RNF121: variants seen among roughly 807,000 people sequenced by gnomAD.
RNF121 encodes ring finger protein 121.
Under a neutral mutation model 46.5 loss-of-function variants are expected in RNF121, and 21 were observed. The observed-to-expected ratio is 0.45, with a 90% confidence interval of 0.32 to 0.65. The LOEUF is 0.65. Ranked by LOEUF, RNF121 falls within the 30% of genes least tolerant of loss-of-function variation. The pLI is 0.04. For missense variants in RNF121, 346 were observed against 416.0 expected (o/e 0.83, Z 1.46); for synonymous variants, 139 against 144.7 (o/e 0.96, Z 0.28).
At chr11:71,976,152 C>G (rs544148182) in intron 3 of RNF121, among the ~76,000 whole-genome samples, 1 of 152,022 alleles carries the variant, frequency 6.6e-6, no homozygotes, top group South Asian at 2.1e-4. Flanking sequence ...TTCAGTTGTT[C>G]CTTATGTGAT....
intron 3 of RNF121, among the ~76,000 whole-genome samples, chr11:71,967,590 T>C (rs1184275044): frequency 1.3e-5 from 2 of 152,092 alleles, no homozygotes; most frequent in Non-Finnish European, 2.9e-5. Context: ...TTAGTACAAA[T>C]GTATTTTTGT....
At chr11:71,935,078 A>G (rs1021620433) in intron 1 of RNF121, among the ~76,000 whole-genome samples, 1 of 151,532 alleles carries the variant, frequency 6.6e-6, no homozygotes, top group Admixed American at 6.6e-5. Flanking sequence ...AGTAGCTGGG[A>G]CCACAGGTGT....
At chr11:71,994,681 A>T (rs772003983) in intron 6 of RNF121, 38 bp from the exon 7 acceptor site, 2 of 1,612,600 alleles carry the variant, frequency 1.2e-6, no homozygotes, top group South Asian at 1.1e-5. Flanking sequence ...TGCTTCTCAC[A>T]TCTTTTCCTA....
intron 3 of RNF121, among the ~76,000 whole-genome samples, chr11:71,975,177 T>A (rs1366369149): frequency 6.6e-6 from 1 of 152,184 alleles, no homozygotes; most frequent in Non-Finnish European, 1.5e-5. Flanking sequence ...TAGACCAAGA[T>A]ATTAGGATTA....
chr11:71,957,258 A>G lies in RNF121; in HGVS notation c.95A>G (p.Gln32Arg). The change falls in exon 2 of 9, where the codon CAA becomes CGA. Residue 32 changes from glutamine to arginine, a missense_variant. Transcript: ENST00000361756. ...VDMSDLSPEEQWRVEHARMHA... is the reference protein window; with the variant it reads ...VDMSDLSPEERWRVEHARMHA... Reference sequence around the variant, plus strand: ...ATGTCAGATCTCTCTCCAGAAGAGCAATGGAGGTAAGTGTGGTAGTTCGGG... The same window carrying G: ...ATGTCAGATCTCTCTCCAGAAGAGCGATGGAGGTAAGTGTGGTAGTTCGGG... The G allele has an allele frequency of 6.2e-7, 1 of 1,600,572 alleles. No homozygotes were observed. Among genetic ancestry groups the G allele is most frequent in the Non-Finnish European group, 8.6e-7 (1 of 1,167,636 alleles).
At chr11:71,973,753 C>G (rs1954468791) in intron 3 of RNF121, among the ~76,000 whole-genome samples, 1 of 151,892 alleles carries the variant, frequency 6.6e-6, no homozygotes, top group Non-Finnish European at 1.5e-5. Flanking sequence ...TGCCACTGCA[C>G]TCTAGCCTGG....
rs529887026 is a variant in RNF121, at chr11:71,962,811, G to C, written c.243+1920G>C. Among the ~76,000 whole-genome samples the C allele has an allele frequency of 7.5e-4, 114 of 152,296 alleles. 1 individual carries two copies. Among genetic ancestry groups the C allele is most frequent in the African/African-American group, 2.7e-3 (113 of 41,548 alleles). On this transcript the variant is annotated intron_variant, in intron 3 of 8. Coordinates refer to ENST00000361756, the MANE Select transcript of RNF121 (RefSeq NM_018320.5). ...CAGAAGCTGCACAATTTTCCATTCTGTCCTAACGTGGGTTGGGTTTTCATT... is the reference window on the plus strand; with the variant it reads ...CAGAAGCTGCACAATTTTCCATTCTCTCCTAACGTGGGTTGGGTTTTCATT...
At chr11:71,942,362 A>G (rs965402048) in intron 1 of RNF121, among the ~76,000 whole-genome samples, 1 of 152,184 alleles carries the variant, frequency 6.6e-6, no homozygotes, top group Non-Finnish European at 1.5e-5. Flanking sequence ...TTAGGAAGTT[A>G]TGGTAATAGT....
chr11:71,994,864 C>T lies in RNF121; in HGVS notation c.761+12C>T, dbSNP rs1590819051. 36 of 1,613,960 alleles carry T rather than the reference C, an allele frequency of 2.2e-5. No individual in the cohort carries two copies. Among genetic ancestry groups the T allele is most frequent in the Non-Finnish European group, 2.8e-5 (33 of 1,180,000 alleles). On this transcript the variant is annotated intron_variant, in intron 7 of 8. Coordinates refer to ENST00000361756, the MANE Select transcript of RNF121 (RefSeq NM_018320.5). The stretch of plus-strand genomic sequence containing the variant: ...TCCTGCAATCATGTGTATCCTGCCT[C>T]GAGCTCCTGGGCCACATCTCTCCTG...
chr11:71,957,168 A>G (rs1954006126), intron 1 of RNF121, 59 bp from the exon 2 acceptor site: 3 of 1,071,604 alleles, frequency 2.8e-6, no homozygotes, highest in Admixed American at 1.7e-5. Flanking sequence ...TGAGCACCTT[A>G]TATTGGCAGG....
chr11:71,938,648 A>G (rs1459050257), intron 1 of RNF121: 1 of 152,066 alleles, frequency 6.6e-6, no homozygotes, highest in Admixed American at 6.6e-5. Flanking sequence ...TTTTATTTGA[A>G]TTTATTTTAT....
intron 1 of RNF121, among the ~76,000 whole-genome samples, chr11:71,931,478 G>C (rs2155142): frequency 6.6e-6 from 1 of 152,140 alleles, no homozygotes; most frequent in Non-Finnish European, 1.5e-5. Context: ...TTGGTATTCA[G>C]GTTTCTACTA....
chr11:71,939,466 G>A (rs1953510934), intron 1 of RNF121: 1 of 153,670 alleles, frequency 6.5e-6, no homozygotes, highest in African/African-American at 2.4e-5. Flanking sequence ...GACTCTTAAA[G>A]TGAATATGAA....
At chr11:71,958,459 A>AT (rs75763230) in intron 2 of RNF121, among the ~76,000 whole-genome samples, 40 of 150,878 alleles carry the variant, frequency 2.7e-4, no homozygotes, top group East Asian at 5.8e-4. Context: ...AAGAAGATAG[A>AT]TTTTTTTTTT....
intron 1 of RNF121, among the ~76,000 whole-genome samples, chr11:71,944,064 A>G (rs1029828893): frequency 1.3e-5 from 2 of 152,012 alleles, no homozygotes; most frequent in Admixed American, 1.3e-4. Flanking sequence ...GGGCACGGTA[A>G]CTCATGTCTG....
chr11:71,984,155 T>C (rs1165807231), intron 4 of RNF121, among the ~76,000 whole-genome samples: 1 of 152,196 alleles, frequency 6.6e-6, no homozygotes, highest in Non-Finnish European at 1.5e-5. Context: ...GGTGATAAGA[T>C]GATATGAAGA....
intron 3 of RNF121, among the ~76,000 whole-genome samples, 197 bp downstream of exon 3, chr11:71,961,088 A>T (rs1954120444): frequency 6.6e-6 from 1 of 152,216 alleles, no homozygotes; most frequent in African/African-American, 2.4e-5. Context: ...AAAAGGATAG[A>T]ACATAAGACT....
chr11:71,961,829 A>G (rs997185995), intron 3 of RNF121, among the ~76,000 whole-genome samples: 10 of 152,204 alleles, frequency 6.6e-5, no homozygotes, highest in Admixed American at 1.3e-4. Flanking sequence ...AATCCCACCT[A>G]TTGAGGAGGC....
rs760177041 is a variant in RNF121 at position 71,982,884 on chromosome 11, A to C, written c.367A>C (p.Thr123Pro). The change falls in exon 4 of 9, where the codon ACC becomes CCC. Residue 123 changes from threonine (T) to proline (P), a missense_variant. Around this residue, in one of 2 missense-constraint regions of RNF121, gnomAD observed 286 missense variants for 383.8 expected, o/e 0.75. Transcript: ENST00000361756. ...AVTAFVTFRA[T>P]RKPLVQTTPR... The stretch of plus-strand genomic sequence containing the variant: ...CACAGCCTTTGTTACCTTCCGAGCC[A>C]CCCGAAAACCTCTAGTACAGACAAC... 1 of 1,613,096 alleles carries C rather than the reference A, an allele frequency of 6.2e-7. No homozygotes were observed. Among genetic ancestry groups the C allele is most frequent in the Non-Finnish European group, 8.5e-7 (1 of 1,179,532 alleles).
Sources: allele counts gnomAD v4.1 joint callset (sites outside exome capture counted in the v4.1 genomes callset), GRCh38; gene constraint gnomAD v4.1.1; regional missense constraint gnomAD v4.1.1; transcripts MANE v1.5; gene names NCBI Gene and HGNC (gene_info 2026-07-23, HGNC 2026-07-21).